CPS1: variants seen among roughly 807,000 people sequenced by gnomAD.
CPS1 encodes carbamoyl-phosphate synthase 1.
Under a neutral mutation model 174.6 loss-of-function variants are expected in CPS1, and 109 were observed. The ratio of observed to expected loss-of-function variants is 0.62; its 90% confidence interval spans 0.53 to 0.73. The LOEUF (loss-of-function observed/expected upper bound fraction) is 0.73. CPS1 is among the 30% of genes least tolerant of loss of function. The probability of loss-of-function intolerance (pLI) is 0.00; values close to 1 mark genes in which losing one functional copy is unlikely to be tolerated. For missense variants in CPS1, 1,689 were observed against 1,821.9 expected (o/e 0.93, Z 1.33); for synonymous variants, 637 against 632.0 (o/e 1.01, Z -0.12).
intron 31 of CPS1, among the ~76,000 whole-genome samples, chr2:210,659,764 A>G (rs1700854619): frequency 6.6e-6 from 1 of 152,212 alleles, no homozygotes; most frequent in African/African-American, 2.4e-5. Context: ...CAGTTGCTAG[A>G]GGGGATGTAC....
chr2:210,598,384 G>A (rs1698572235), intron 13 of CPS1, among the ~76,000 whole-genome samples: 1 of 151,696 alleles, frequency 6.6e-6, no homozygotes, highest in South Asian at 2.1e-4. Context: ...ATATAAACAG[G>A]CTAAATGTCC....
intron 27 of CPS1, 82 bp downstream of exon 27, chr2:210,648,622 G>A: frequency 9.4e-7 from 1 of 1,062,936 alleles, no homozygotes; most frequent in Non-Finnish European, 1.5e-6. Context: ...AATAGCACTA[G>A]GGTTCTATAT....
rs531216640 is a variant in CPS1 at position 210,482,369 on chromosome 2, C to T, written c.3+4603C>T. Among the ~76,000 whole-genome samples the T allele has an allele frequency of 1.3e-4, 20 of 150,974 alleles. No individual in the cohort carries two copies. The South Asian group carries it at 2.1e-3, about 16-fold the overall frequency. ...TCTCCCAGGCTGGAGTGCAATGGTG[C>T]GATCTCGGCTCACTCAGCTCACTCT... On this transcript the variant is annotated intron_variant, in intron 1 of 38. Coordinates refer to the CPS1 transcript ENST00000430249.
chr2:210,660,714 ATTT>A, intron 32 of CPS1, 59 bp downstream of exon 32: 1 of 1,503,544 alleles, frequency 6.7e-7, no homozygotes, highest in Non-Finnish European at 9.2e-7. Context: ...TAAAAGAACA[ATTT>A]GTCATCAAAA....
chr2:210,553,898 G>A (rs1436999912), upstream of CPS1, among the ~76,000 whole-genome samples: 1 of 151,456 alleles, frequency 6.6e-6, no homozygotes, highest in Non-Finnish European at 1.5e-5. Flanking sequence ...GAACACTCAA[G>A]TATGAAACTA....
At chr2:210,496,471 C>T (rs75224770) in intron 1 of CPS1, among the ~76,000 whole-genome samples, 2,006 of 152,206 alleles carry the variant, frequency 0.013, 34 homozygotes, top group African/African-American at 0.045. Context: ...ATTGAGTCTT[C>T]TTGAGGAGCT....
intron 1 of CPS1, among the ~76,000 whole-genome samples, chr2:210,548,454 CTG>C (rs907927377): frequency 6.6e-6 from 1 of 151,978 alleles, no homozygotes; most frequent in Non-Finnish European, 1.5e-5. Flanking sequence ...TTACTATCAA[CTG>C]AGAATGATCT....
intron 1 of CPS1, among the ~76,000 whole-genome samples, chr2:210,507,601 A>G (rs1441373136): frequency 1.3e-5 from 2 of 151,596 alleles, no homozygotes; most frequent in Non-Finnish European, 2.9e-5. Flanking sequence ...TAAAGAGTCA[A>G]GACCCATCAG....
intron 1 of CPS1, chr2:210,519,652 C>T (rs951126367): frequency 5.1e-6 from 3 of 583,234 alleles, no homozygotes; most frequent in Non-Finnish European, 6.5e-6. Flanking sequence ...TTCCCAGCCT[C>T]GCTTGCATCT....
intron 1 of CPS1, among the ~76,000 whole-genome samples, chr2:210,497,889 CATACAT>C (rs1255524650): frequency 1.6e-5 from 1 of 63,066 alleles, no homozygotes; most frequent in Non-Finnish European, 3.6e-5. Flanking sequence ...ACAATATATA[CATACAT>C]ATATATATAT....
intron 5 of CPS1, among the ~76,000 whole-genome samples, chr2:210,582,393 C>T (rs1697951765): frequency 6.6e-6 from 1 of 152,118 alleles, no homozygotes; most frequent in Non-Finnish European, 1.5e-5. Context: ...GCAATGGTGT[C>T]AGCCCTAGAA....
chr2:210,607,378 A>G (rs1403467064), intron 18 of CPS1, among the ~76,000 whole-genome samples: 1 of 151,956 alleles, frequency 6.6e-6, no homozygotes, highest in African/African-American at 2.4e-5. Flanking sequence ...TCAAAACTCC[A>G]CAAGACTGAA....
At chr2:210,567,937 G>A (rs1697355249) in intron 1 of CPS1, among the ~76,000 whole-genome samples, 1 of 152,180 alleles carries the variant, frequency 6.6e-6, no homozygotes, top group Non-Finnish European at 1.5e-5. Context: ...TGTCAGCATT[G>A]TAACATGCTA....
chr2:210,487,346 C>G (rs937993245), intron 1 of CPS1, among the ~76,000 whole-genome samples: 1 of 152,170 alleles, frequency 6.6e-6, no homozygotes, highest in Non-Finnish European at 1.5e-5. Context: ...TCTCTGTTGT[C>G]TTACATCTAG....
intron 21 of CPS1, among the ~76,000 whole-genome samples, chr2:210,629,610 C>T (rs1699802988): frequency 6.6e-6 from 1 of 151,888 alleles, no homozygotes; most frequent in Non-Finnish European, 1.5e-5. Context: ...CCACCGCGCC[C>T]AGCCAGAACA....
At chr2:210,551,819 A>G (rs553467480), upstream of CPS1, among the ~76,000 whole-genome samples, 2 of 152,148 alleles carry the variant, frequency 1.3e-5, no homozygotes, top group Admixed American at 1.3e-4. Flanking sequence ...ATATCTGGTT[A>G]GTTTGAACCC....
chr2:210,596,242 C>A (rs530126882), intron 13 of CPS1, among the ~76,000 whole-genome samples: 1 of 151,806 alleles, frequency 6.6e-6, no homozygotes, highest in African/African-American at 2.4e-5. Flanking sequence ...AGAAAAATTC[C>A]GTTGTATATT....
intron 1 of CPS1, among the ~76,000 whole-genome samples, chr2:210,489,142 G>C (rs192920821): frequency 2.6e-5 from 4 of 152,220 alleles, no homozygotes; most frequent in Admixed American, 2.6e-4. Flanking sequence ...TATCTTTAAG[G>C]CCTGGATCAG....
intron 1 of CPS1, among the ~76,000 whole-genome samples, chr2:210,490,777 T>C (rs75979751): frequency 0.013 from 1,918 of 152,332 alleles, 34 homozygotes; most frequent in African/African-American, 0.043. Flanking sequence ...ATGAACCCCA[T>C]GATACACATG....
Sources: gnomAD v4.1 joint callset for allele counts (sites outside exome capture counted in the v4.1 genomes callset) on GRCh38, gnomAD v4.1.1 for gene constraint, MANE v1.5 for transcripts, NCBI Gene and HGNC (gene_info 2026-07-23, HGNC 2026-07-21) for gene names.